The following TBC1D4 variants were observed in gnomAD, a reference collection of about 807,000 sequenced individuals.
TBC1D4 encodes the protein TBC (Tre-2, BUB2, CDC16) domain-containing protein.
In TBC1D4, 121 loss-of-function variants were observed where a neutral mutation model predicts 142.5. The ratio of observed to expected loss-of-function variants is 0.85; its 90% CI spans 0.73 to 0.99. The LOEUF is 0.99. Ranked by LOEUF, TBC1D4 falls within the 50% of genes least tolerant of loss-of-function variation. The probability of loss-of-function intolerance (pLI) is 0.00; values close to 1 mark genes in which losing one functional copy is unlikely to be tolerated. For synonymous variants in TBC1D4, 630 were observed against 628.2 expected (o/e 1.00, Z -0.04); for missense variants, 1,475 against 1,606.6 (o/e 0.92, Z 1.40).
In TBC1D4 at chr13:75,337,009, G is replaced by C; in HGVS notation, c.1643C>G (p.Ala548Gly). The change falls in exon 8 of 21, where the codon GCA becomes GGA. Residue 548 changes from alanine to glycine, a missense_variant. By Grantham distance (60) the Ala-to-Gly change is moderately conservative. Around this residue, in one of 2 missense-constraint regions of TBC1D4, gnomAD observed 1,227 missense variants for 1,267.7 expected, o/e 0.97. Coordinates refer to ENST00000377636, the MANE Select transcript of TBC1D4 (RefSeq NM_014832.5). ...TISNSTIPEN[A>G]TSSGRFKLDI... ...AAGTTTGAACCTTCCACTGCTTGTTGCATTTTCTGGGATTGTACTATTTGA... is the reference window on the plus strand; with the variant it reads ...AAGTTTGAACCTTCCACTGCTTGTTCCATTTTCTGGGATTGTACTATTTGA... The C allele has an allele frequency of 2.5e-6, 4 of 1,613,034 alleles. No homozygotes were observed. Among genetic ancestry groups the C allele is most frequent in the Non-Finnish European group, 3.4e-6 (4 of 1,179,418 alleles).
intron 15 of TBC1D4, among the ~76,000 whole-genome samples, chr13:75,305,216 A>C (rs1188477276): frequency 2.0e-5 from 3 of 152,196 alleles, no homozygotes; most frequent in Non-Finnish European, 4.4e-5. Flanking sequence ...GCCTCCCCAG[A>C]CACGTGGAAC....
intron 1 of TBC1D4, among the ~76,000 whole-genome samples, chr13:75,480,264 G>A (rs1390644186): frequency 6.6e-6 from 1 of 152,206 alleles, no homozygotes; most frequent in Non-Finnish European, 1.5e-5. Context: ...TGCAACCTGA[G>A]ACTTTATTTA....
At chr13:75,339,837 G>A (rs1165687667) in intron 7 of TBC1D4, among the ~76,000 whole-genome samples, 1 of 152,190 alleles carries the variant, frequency 6.6e-6, no homozygotes, top group Non-Finnish European at 1.5e-5. Flanking sequence ...CTCCCAAAGT[G>A]CTGGGATCAC....
chr13:75,394,209 A>G (rs919534764), intron 1 of TBC1D4, among the ~76,000 whole-genome samples: 7 of 152,226 alleles, frequency 4.6e-5, no homozygotes, highest in Non-Finnish European at 1.0e-4. Flanking sequence ...AAGTCATGAC[A>G]CTAGTAAACA....
chr13:75,380,846 A>T (rs1375724653), intron 1 of TBC1D4, among the ~76,000 whole-genome samples: 1 of 152,154 alleles, frequency 6.6e-6, no homozygotes, highest in Non-Finnish European at 1.5e-5. Context: ...TCTGTTCTAG[A>T]AAAAGATCCT....
rs148618303 is a variant in TBC1D4 at position 75,360,064 on chromosome 13, C to T, written c.1081-206G>A. On this transcript the variant is annotated intron_variant, in intron 2 of 20. Transcript: ENST00000377636. ...AATGTTTCTTTCCTCTGTCAAAAAA[C>T]GTATGAAAATTAAGTTAGTCTTCAA... Among the ~76,000 whole-genome samples the T allele has an allele frequency of 3.0e-3, 453 of 150,838 alleles. 1 individual carries two copies. The highest frequency in any genetic ancestry group is 0.01 in the African/African-American group (424 of 41,140).
intron 1 of TBC1D4, among the ~76,000 whole-genome samples, chr13:75,409,870 T>C (rs1885535459): frequency 6.6e-6 from 1 of 152,338 alleles, no homozygotes; most frequent in Admixed American, 6.5e-5. Flanking sequence ...TAGTGTTAAT[T>C]TATACTTGCC....
At chr13:75,443,654 C>A (rs926736662) in intron 1 of TBC1D4, among the ~76,000 whole-genome samples, 2 of 152,210 alleles carry the variant, frequency 1.3e-5, no homozygotes, top group Non-Finnish European at 2.9e-5. Context: ...TCAATCCAAA[C>A]TAACAGGGAG....
intron 1 of TBC1D4, among the ~76,000 whole-genome samples, chr13:75,365,110 C>T (rs1030054296): frequency 2.6e-5 from 4 of 152,154 alleles, no homozygotes; most frequent in Admixed American, 2.6e-4. Flanking sequence ...AAACTCAACA[C>T]CTAAATGTAA....
intron 1 of TBC1D4, among the ~76,000 whole-genome samples, chr13:75,386,127 G>A (rs906443692): frequency 1.3e-5 from 2 of 152,128 alleles, no homozygotes; most frequent in African/African-American, 4.8e-5. Context: ...CTGCATTAAT[G>A]AATATCAATA....
In TBC1D4 at chr13:75,326,144, A is replaced by G; in HGVS notation, c.2033+53T>C. 3 of 1,596,584 alleles carry G rather than the reference A, an allele frequency of 1.9e-6. No individual in the cohort carries two copies. The South Asian group carries it at 3.3e-5, about 18-fold the overall frequency. ...AATCCACCTTGACTCCAGAGTAATC[A>G]AAACTGTGTGCCTTGAGAATCTAGG... On this transcript the variant is annotated intron_variant, in intron 10 of 20. Transcript: ENST00000377636.
intron 1 of TBC1D4, chr13:75,367,093 G>C (rs899220971): frequency 2.0e-5 from 10 of 507,868 alleles, no homozygotes; most frequent in Non-Finnish European, 2.3e-5. Context: ...AACTTCCCAG[G>C]AGTAACCATT....
Position 75,448,158 on chromosome 13 carries a change from T to C in TBC1D4, c.498+33112A>G, listed in dbSNP as rs563523833. Reference sequence around the variant, plus strand: ...ACTTTAATCACTCTTGTATTCATGCTGTCTTCTACAGGGTCTTCATTGGAG... The same window carrying C: ...ACTTTAATCACTCTTGTATTCATGCCGTCTTCTACAGGGTCTTCATTGGAG... On this transcript the variant is annotated intron_variant, in intron 1 of 20. Transcript: ENST00000377636. Among the ~76,000 whole-genome samples the C allele has an allele frequency of 1.4e-3, 211 of 152,334 alleles. 1 individual carries two copies. Among genetic ancestry groups the C allele is most frequent in the African/African-American group, 4.7e-3 (194 of 41,582 alleles).
intron 1 of TBC1D4, among the ~76,000 whole-genome samples, chr13:75,458,796 T>A (rs368497061): frequency 2.8e-4 from 43 of 151,680 alleles, no homozygotes; most frequent in African/African-American, 9.7e-4. Context: ...GACATAGGAG[T>A]TAGCTAATAT....
intron 1 of TBC1D4, among the ~76,000 whole-genome samples, chr13:75,390,208 A>G (rs1440819741): frequency 6.8e-6 from 1 of 147,370 alleles, no homozygotes; most frequent in Non-Finnish European, 1.5e-5. Context: ...TGAGCCCAGG[A>G]GGCAGAGGTT....
intron 9 of TBC1D4, among the ~76,000 whole-genome samples, chr13:75,327,404 G>C (rs1879354135): frequency 6.6e-6 from 1 of 151,790 alleles, no homozygotes; most frequent in Non-Finnish European, 1.5e-5. Flanking sequence ...AAATGAGGGG[G>C]GAAAATAACA....
intron 1 of TBC1D4, among the ~76,000 whole-genome samples, chr13:75,395,129 T>C (rs1282283462): frequency 1.3e-5 from 2 of 152,228 alleles, no homozygotes; most frequent in Non-Finnish European, 2.9e-5. Context: ...CATTCCTTTG[T>C]GTTAAAGGAG....
intron 12 of TBC1D4, among the ~76,000 whole-genome samples, chr13:75,318,660 T>C (rs1481034606): frequency 6.6e-6 from 1 of 152,212 alleles, no homozygotes; most frequent in Non-Finnish European, 1.5e-5. Context: ...ATGTCTGTTA[T>C]CCTATGGAAA....
chr13:75,424,078 C>T (rs1886274435), intron 1 of TBC1D4, among the ~76,000 whole-genome samples: 1 of 152,226 alleles, frequency 6.6e-6, no homozygotes, highest in African/African-American at 2.4e-5. Context: ...GTGTGGGCAA[C>T]ACAGTGAGAC....
Sources: gnomAD v4.1 joint callset for allele counts (sites outside exome capture counted in the v4.1 genomes callset) on GRCh38, gnomAD v4.1.1 for gene constraint, gnomAD v4.1.1 regional missense constraint, MANE v1.5 for transcripts, NCBI Gene and HGNC (gene_info 2026-07-23, HGNC 2026-07-21) for gene names.